ZNF365: variants seen among roughly 807,000 people sequenced by gnomAD.
ZNF365 encodes the protein protein ZNF365.
ZNF365 carries 22 observed loss-of-function variants against 35.0 expected under a neutral mutation model. The ratio of observed to expected loss-of-function variants is 0.63; its 90% CI spans 0.45 to 0.90. The LOEUF is 0.90. ZNF365 is among the 40% of genes least tolerant of loss of function. The pLI is 0.00. For missense variants in ZNF365, 448 were observed against 500.3 expected, an observed-to-expected ratio of 0.90 and a Z score of 1.00; for synonymous variants, 188 against 196.2, an observed-to-expected ratio of 0.96 and a Z score of 0.35.
intron 3 of ZNF365, among the ~76,000 whole-genome samples, chr10:62,390,955 G>A (rs895703327): frequency 6.6e-6 from 1 of 152,306 alleles, no homozygotes; most frequent in East Asian, 1.9e-4. Flanking sequence ...TTGCCGGATT[G>A]GAATTTGCTC....
intron 2 of ZNF365, among the ~76,000 whole-genome samples, chr10:62,380,710 C>T (rs1360533294): frequency 6.6e-6 from 1 of 152,128 alleles, no homozygotes; most frequent in Admixed American, 6.5e-5. Context: ...TTTAAAAGTT[C>T]TAGTGAAACA....
intron 4 of ZNF365, among the ~76,000 whole-genome samples, chr10:62,479,183 T>C (rs1425982005): frequency 6.6e-6 from 1 of 152,252 alleles, no homozygotes; most frequent in East Asian, 1.9e-4. Flanking sequence ...AATTCCTTGA[T>C]TTGATCCTTG....
intron 3 of ZNF365, among the ~76,000 whole-genome samples, chr10:62,411,993 C>A (rs1385275496): frequency 6.6e-6 from 1 of 151,918 alleles, no homozygotes; most frequent in Admixed American, 6.6e-5. Context: ...AAAGAGAAAA[C>A]TTCAAGCCAG....
At chr10:62,428,324 C>T (rs1259278852) in intron 3 of ZNF365, among the ~76,000 whole-genome samples, 1 of 152,028 alleles carries the variant, frequency 6.6e-6, no homozygotes, top group Non-Finnish European at 1.5e-5. Flanking sequence ...TCCCATAATC[C>T]CCACATGTTG....
intron 3 of ZNF365, among the ~76,000 whole-genome samples, chr10:62,427,056 A>G (rs1840261054): frequency 6.6e-6 from 1 of 152,204 alleles, no homozygotes; most frequent in Admixed American, 6.5e-5. Flanking sequence ...AAAAATTCCT[A>G]TCGCTTAGTG....
At chr10:62,430,989 T>C (rs1328618865) in intron 3 of ZNF365, among the ~76,000 whole-genome samples, 4 of 152,226 alleles carry the variant, frequency 2.6e-5, no homozygotes, top group African/African-American at 9.6e-5. Flanking sequence ...CTGTCATGCA[T>C]GGTATAATTA....
intron 3 of ZNF365, among the ~76,000 whole-genome samples, chr10:62,449,814 A>ATTT (rs200049664): frequency 3.5e-5 from 5 of 141,676 alleles, no homozygotes; most frequent in African/African-American, 7.7e-5. Flanking sequence ...AGCCTGGTTC[A>ATTT]TTTTTTTTTT....
intron 3 of ZNF365, among the ~76,000 whole-genome samples, chr10:62,439,261 T>G (rs1239945863): frequency 6.6e-6 from 1 of 152,196 alleles, no homozygotes; most frequent in Non-Finnish European, 1.5e-5. Flanking sequence ...TGTCTTCCTC[T>G]CTCTCTTTAC....
At chr10:62,432,620 C>G (rs761584733) in intron 3 of ZNF365, among the ~76,000 whole-genome samples, 5 of 152,106 alleles carry the variant, frequency 3.3e-5, no homozygotes, top group Non-Finnish European at 7.4e-5. Context: ...TTTAAAAGAC[C>G]ACTGCCTTTT....
intron 3 of ZNF365, among the ~76,000 whole-genome samples, chr10:62,390,851 CAGAT>C (rs747254471): frequency 3.2e-4 from 48 of 152,102 alleles, no homozygotes; most frequent in East Asian, 2.5e-3. Context: ...TGTATCTAAA[CAGAT>C]AGAGAAGAAG....
At chr10:62,439,386 CAA>C (rs76672246) in intron 3 of ZNF365, among the ~76,000 whole-genome samples, 372 of 144,346 alleles carry the variant, frequency 2.6e-3, no homozygotes, top group Middle Eastern at 3.6e-3. Flanking sequence ...TCAACTCTAG[CAA>C]AAAAAAAAAA....
chr10:62,443,026 G>A (rs1480164894), intron 3 of ZNF365, among the ~76,000 whole-genome samples: 3 of 152,140 alleles, frequency 2.0e-5, no homozygotes, highest in African/African-American at 7.2e-5. Context: ...TCCCTGCAAG[G>A]GCTCAACCGG....
intron 4 of ZNF365, among the ~76,000 whole-genome samples, chr10:62,472,049 G>C (rs2132491244): frequency 6.6e-6 from 1 of 152,316 alleles, no homozygotes; most frequent in South Asian, 2.1e-4. Flanking sequence ...GTGAGCCAGA[G>C]CTGGGGTGCA....
Position 62,399,649 on chromosome 10 carries a change from G to A in ZNF365, c.1084G>A (p.Ala362Thr). The change falls in exon 5 of 5, where the codon GCC becomes ACC. Residue 362 changes from alanine (A) to threonine (T), a missense_variant. This residue lies in a region of ZNF365 where 362 missense variants were observed against 375.7 expected (regional missense o/e 0.96). Transcript: ENST00000395254. ...DDRASMQPAKAIHEQAESSRD... is the reference protein window; with the variant it reads ...DDRASMQPAKTIHEQAESSRD... ...CAGAGCCAGCATGCAGCCTGCCAAGGCCATTCACGAACAGGCTGAGTCCTC... is the reference window on the plus strand; with the variant it reads ...CAGAGCCAGCATGCAGCCTGCCAAGACCATTCACGAACAGGCTGAGTCCTC... 6.2e-7 allele frequency: 1 copy of A among 1,614,078 alleles called. No individual in the cohort carries two copies.
At chr10:62,452,253 G>T (rs1053959690) in intron 3 of ZNF365, among the ~76,000 whole-genome samples, 2 of 152,162 alleles carry the variant, frequency 1.3e-5, no homozygotes, top group Admixed American at 6.5e-5. Flanking sequence ...CTAGGATGTG[G>T]ATCTAAATTG....
chr10:62,466,697 G>GTT (rs61021349), intron 4 of ZNF365, among the ~76,000 whole-genome samples: 5 of 148,158 alleles, frequency 3.4e-5, no homozygotes, highest in Admixed American at 3.4e-4. Flanking sequence ...ATATACTATA[G>GTT]TTTTTTTTTT....
In ZNF365 at chr10:62,402,057, T is replaced by C. The variant is rs1839838866; in HGVS notation, c.*2268T>C. 2.0e-6 allele frequency: 2 copies of C among 985,656 alleles called. No individual in the cohort carries two copies. Among genetic ancestry groups the C allele is most frequent in the Non-Finnish European group, 2.4e-6 (2 of 829,926 alleles). The allele number at this position is 985,656 out of a possible 1,614,324, so 61.1% of individuals were successfully genotyped here. ...GAAGCATACTCCACTTAACATACCA[T>C]GGCCTGAGCTAAGTACCATGTCCTG... On this transcript the variant is annotated 3_prime_UTR_variant, in exon 5 of 5. Transcript: ENST00000395254.
chr10:62,433,476 GCA>G (rs1301440244), intron 3 of ZNF365, among the ~76,000 whole-genome samples: 7 of 152,206 alleles, frequency 4.6e-5, no homozygotes, highest in Non-Finnish European at 1.0e-4. Context: ...AATTGCTCAT[GCA>G]CAGATGGACT....
intron 3 of ZNF365, among the ~76,000 whole-genome samples, chr10:62,415,673 T>A (rs1564580809): frequency 6.6e-6 from 1 of 152,164 alleles, no homozygotes; most frequent in Non-Finnish European, 1.5e-5. Flanking sequence ...AACTTTTCAA[T>A]CTCCTGCCCT....
Sources: gnomAD v4.1 joint callset for allele counts (sites outside exome capture counted in the v4.1 genomes callset) on GRCh38, gnomAD v4.1.1 for gene constraint, gnomAD v4.1.1 regional missense constraint, MANE v1.5 for transcripts, NCBI Gene and HGNC (gene_info 2026-07-23, HGNC 2026-07-21) for gene names.